FAM111A: variants seen among roughly 807,000 people sequenced by gnomAD.
FAM111A encodes FAM111 trypsin like peptidase A.
Under a neutral mutation model 3.3 loss-of-function variants are expected in FAM111A, and 8 were observed. That is an observed-to-expected ratio of 2.39 (90% CI 1.40 to 4.32). The LOEUF is 4.32. Ranked by LOEUF, FAM111A falls within the 30% of genes most tolerant of loss-of-function variation. FAM111A has a pLI of 0.00. For synonymous variants in FAM111A, 227 were observed against 243.1 expected (o/e 0.93, Z 0.62); for missense variants, 683 against 727.6 (o/e 0.94, Z 0.71).
Position 59,152,296 on chromosome 11 carries a change from A to C in FAM111A, c.628A>C (p.Lys210Gln), listed in dbSNP as rs751876224. 3.7e-6 allele frequency: 6 copies of C among 1,614,214 alleles called. No individual in the cohort carries two copies. Among genetic ancestry groups the C allele is most frequent in the Non-Finnish European group, 5.1e-6 (6 of 1,180,040 alleles). ...TGGGAAGCTTCACAAAAAGGGGCGC[A>C]AACTCTGTGTTTATGCTTTCAAAGG... ...KCGKLHKKGR[K>Q]LCVYAFKGET... Residue 210 changes from lysine to glutamine, a missense_variant, in exon 6 of 6, where the codon AAA (lysine) becomes CAA (glutamine). Physicochemically the swap from Lys to Gln is moderately conservative, Grantham distance 53 (BLOSUM62 1). This residue lies in a region of FAM111A where 557 missense variants were observed against 600.2 expected (regional missense o/e 0.93). Coordinates refer to ENST00000675163, the MANE Select transcript of FAM111A (RefSeq NM_001312909.2).
At chr11:59,145,683 C>T (rs1006447619) in intron 3 of FAM111A, 144 bp from the exon 4 acceptor site, 2 of 152,178 alleles carry the variant, frequency 1.3e-5, no homozygotes, top group African/African-American at 4.8e-5. Flanking sequence ...CGGATCCTCT[C>T]TCAAACTTCG....
At chr11:59,145,993 A>T (rs1278669532) in intron 4 of FAM111A, 137 bp downstream of exon 4, 2 of 151,736 alleles carry the variant, frequency 1.3e-5, no homozygotes, top group African/African-American at 2.4e-5. Context: ...ATATTTACAC[A>T]CACTGTATAT....
chr11:59,147,418 T>A (rs186366692), intron 4 of FAM111A, among the ~76,000 whole-genome samples: 8 of 152,276 alleles, frequency 5.3e-5, no homozygotes, highest in Admixed American at 5.2e-4. Context: ...TTGTTTAGCT[T>A]ATGTTCTAGC....
At chr11:59,151,661 T>C in intron 5 of FAM111A, 89 bp from the exon 6 acceptor site, 1 of 970,032 alleles carries the variant, frequency 1.0e-6, no homozygotes, top group Non-Finnish European at 1.6e-6. Flanking sequence ...CAGTTTCTCA[T>C]AGGAATTTTG....
intron 5 of FAM111A, among the ~76,000 whole-genome samples, chr11:59,151,172 T>C (rs1861612153): frequency 6.6e-6 from 1 of 151,994 alleles, no homozygotes; most frequent in Non-Finnish European, 1.5e-5. Context: ...TTTTTTGAGA[T>C]GGAGTTTCAC....
intron 5 of FAM111A, 117 bp from the exon 6 acceptor site, chr11:59,151,633 C>A: frequency 1.4e-6 from 1 of 728,966 alleles, no homozygotes; most frequent in East Asian, 2.5e-5. Flanking sequence ...TATTCACTGG[C>A]CCTTTTAGAT....
Position 59,152,120 on chromosome 11 carries a change from G to T in FAM111A, c.452G>T (p.Gly151Val), listed in dbSNP as rs773084586. The change falls in exon 6 of 6, where the codon GGC becomes GTC. Residue 151 changes from glycine (G) to valine (V), a missense_variant. Coordinates refer to ENST00000675163, the MANE Select transcript of FAM111A (RefSeq NM_001312909.2). ...CCCCTCAGTTGTTTCCCTGAAGGTG[G>T]CCAGGTGGTCATTACATTTTCCCAA... is the stretch of plus-strand genomic sequence containing the variant. The part of the protein sequence containing the change: ...GMPLSCFPEG[G>V]QVVITFSQSK... 1.2e-6 allele frequency: 2 copies of T among 1,614,150 alleles called. No individual in the cohort carries two copies. Among genetic ancestry groups the T allele is most frequent in the South Asian group, 2.2e-5 (2 of 91,082 alleles).
rs745384606 is a variant in FAM111A, at chr11:59,151,790, T to C, written c.122T>C (p.Met41Thr). ...EQQNNCSTSL[M>T]RMESRGDPRA... ...CAGAATAATTGCAGTACTTCTCTAA[T>C]GAGGATGGAGTCTAGAGGAGACCCA... Residue 41 changes from methionine (M) to threonine (T), a missense_variant, in exon 6 of 6, where the codon ATG becomes ACG. Around this residue, in one of 3 missense-constraint regions of FAM111A, gnomAD observed 557 missense variants for 600.2 expected, o/e 0.93. Transcript: ENST00000675163. 1.9e-6 allele frequency: 3 copies of C among 1,604,272 alleles called. No individual in the cohort carries two copies. The highest frequency in any genetic ancestry group is 2.5e-6 in the Non-Finnish European group (3 of 1,177,510).
In FAM111A at chr11:59,154,981, G is replaced by A. The variant is rs1346014021; in HGVS notation, c.*1477G>A. On this transcript the variant is annotated 3_prime_UTR_variant, in exon 6 of 6. Coordinates refer to ENST00000675163, the MANE Select transcript of FAM111A (RefSeq NM_001312909.2). ...GGGAGGGTGAGTGCCGCCATTTAGT[G>A]GCTGCTAGAAACATTGCTTCTGTTT... 2 of 152,390 alleles carry A rather than the reference G, an allele frequency of 1.3e-5. No homozygotes were observed. The highest frequency in any genetic ancestry group is 4.8e-5 in the African/African-American group (2 of 41,436). The allele number at this position is 152,390 out of a possible 1,614,324, so 9.4% of individuals were successfully genotyped here. A position where few individuals can be genotyped will look rare whatever the true frequency, so the allele number is the denominator to read the frequency against.
chr11:59,152,847 C>T lies in FAM111A; in HGVS notation c.1179C>T (p.Asp393=), dbSNP rs749523037. 2.9e-5 allele frequency: 47 copies of T among 1,613,864 alleles called. No individual in the cohort carries two copies. The highest frequency in any genetic ancestry group is 6.7e-5 in the East Asian group (3 of 44,886). The change falls in exon 6 of 6, where the codon GAC becomes GAT. Residue 393 remains aspartate (D), a synonymous_variant. Coordinates refer to ENST00000675163, the MANE Select transcript of FAM111A (RefSeq NM_001312909.2). The part of the protein sequence containing the change: ...CRHVIDSIVG[D]GIEPSKWATI... ...ATGTAATAGATAGCATTGTGGGAGACGGAATAGAGCCAAGTAAGTGGGCAA... is the reference window on the plus strand; with the variant it reads ...ATGTAATAGATAGCATTGTGGGAGATGGAATAGAGCCAAGTAAGTGGGCAA...
rs544144896 is a variant in FAM111A, at chr11:59,153,451, G to A, written c.1783G>A (p.Glu595Lys). Residue 595 changes from glutamate (E) to lysine (K), a missense_variant, in exon 6 of 6, where the codon GAA becomes AAA. This residue lies in a region of FAM111A where 122 missense variants were observed against 110.9 expected (regional missense o/e 1.10). Coordinates refer to ENST00000675163, the MANE Select transcript of FAM111A (RefSeq NM_001312909.2). ...IKQRHKPWYE[E>K]VFVNQQDVEM... is the part of the protein sequence containing the mutation. ...GCAAAGACATAAACCATGGTATGAA[G>A]AAGTATTTGTAAATCAGCAGGATGT... 7 of 1,613,072 alleles carry A rather than the reference G, an allele frequency of 4.3e-6. No individual in the cohort carries two copies. In the African/African-American group the frequency reaches 6.7e-5, roughly 15 times the overall value.
At chr11:59,145,617 C>T (rs1365552981) in intron 3 of FAM111A, 1 of 152,232 alleles carries the variant, frequency 6.6e-6, no homozygotes, top group Non-Finnish European at 1.5e-5. Flanking sequence ...ATGTTTCTTT[C>T]TGCCCATTTT....
In FAM111A at chr11:59,154,094, T is replaced by C. The variant is rs1862056204; in HGVS notation, c.*590T>C. 6.6e-6 allele frequency: 1 copy of C among 152,160 alleles called. No individual in the cohort carries two copies. Among genetic ancestry groups the C allele is most frequent in the Non-Finnish European group, 1.5e-5 (1 of 68,048 alleles). 9.4% of individuals were successfully genotyped at this position (152,160 alleles called of 1,614,324 possible). A position where few individuals can be genotyped will look rare whatever the true frequency, so the allele number is the denominator to read the frequency against. On this transcript the variant is annotated 3_prime_UTR_variant, in exon 6 of 6. Transcript: ENST00000675163. ...CAGTTTCATGACACTAAAAGTCATA[T>C]AGTCATAGGGTTTTTTCATCTTTCA...
rs927021305 is a variant in FAM111A at position 59,153,542 on chromosome 11, AGTT to A, written c.*42_*44del. The A allele has an allele frequency of 2.0e-6, 3 of 1,475,720 alleles. No homozygotes were observed. Among genetic ancestry groups the A allele is most frequent in the Admixed American group, 4.3e-5 (2 of 46,132 alleles). The allele number at this position is 1,475,720 out of a possible 1,614,324, so 91.4% of individuals were successfully genotyped here. A position where few individuals can be genotyped will look rare whatever the true frequency, so the allele number is the denominator to read the frequency against. ...CTGGATTTAAGGGAATGGCTTATGG[AGTT>A]GTTATTTCATAGGCATTGAAAATGG... On this transcript the variant is annotated 3_prime_UTR_variant, in exon 6 of 6. Transcript: ENST00000675163.
chr11:59,152,833 A>G lies in FAM111A; in HGVS notation c.1165A>G (p.Ser389Gly), dbSNP rs1369784215. ...TTTAACTTGTCGGCATGTAATAGAT[A>G]GCATTGTGGGAGACGGAATAGAGCC... ...FILTCRHVID[S>G]IVGDGIEPSK... The change falls in exon 6 of 6, where the codon AGC becomes GGC. Residue 389 changes from serine (S) to glycine (G), a missense_variant. Transcript: ENST00000675163. 6.2e-7 allele frequency: 1 copy of G among 1,614,098 alleles called. No homozygotes were observed. Among genetic ancestry groups the G allele is most frequent in the Non-Finnish European group, 8.5e-7 (1 of 1,180,048 alleles).
Position 59,151,879 on chromosome 11 carries a change from A to G in FAM111A, c.211A>G (p.Thr71Ala), listed in dbSNP as rs1412539634. Residue 71 changes from threonine (T) to alanine (A), a missense_variant, in exon 6 of 6, where the codon ACC becomes GCC. Thr to Ala is a moderately conservative substitution (Grantham distance 58). Transcript: ENST00000675163. ...HSPKKNPEDQ[T>A]MPQNRTIYVT... is the part of the protein sequence containing the mutation. ...ACCTAAGAAAAATCCAGAAGACCAGACCATGCCCCAAAATAGGACAATATA... is the reference window on the plus strand; with the variant it reads ...ACCTAAGAAAAATCCAGAAGACCAGGCCATGCCCCAAAATAGGACAATATA... 1 of 1,614,238 alleles carries G rather than the reference A, an allele frequency of 6.2e-7. No homozygotes were observed. The highest frequency in any genetic ancestry group is 8.5e-7 in the Non-Finnish European group (1 of 1,180,042).
intron 5 of FAM111A, among the ~76,000 whole-genome samples, chr11:59,149,688 A>T (rs564748325): frequency 1.2e-3 from 180 of 152,352 alleles, no homozygotes; most frequent in Non-Finnish European, 2.1e-3. Context: ...TATAGTTTAT[A>T]AAACAATTTT....
chr11:59,149,097 C>G (rs192882280), intron 5 of FAM111A, 144 bp downstream of exon 5: 2 of 634,028 alleles, frequency 3.2e-6, no homozygotes, highest in African/African-American at 3.7e-5. Context: ...TATAATGTAT[C>G]ATATCCTCCT....
Position 59,152,148 on chromosome 11 carries a change from TA to T in FAM111A, c.484del (p.Ser162ValfsTer89), listed in dbSNP as rs751806560. 1 of 1,613,980 alleles carries T rather than the reference TA, an allele frequency of 6.2e-7. No homozygotes were observed. The highest frequency in any genetic ancestry group is 1.1e-5 in the South Asian group (1 of 91,072). ...AGGTGGTCATTACATTTTCCCAAAG[TA>T]AAAGTAAGCAGAAGGAAGATAACCA... ...GQVVITFSQS[K>X]SKQKEDNHIF... On this transcript the variant is annotated frameshift_variant, in exon 6 of 6. Coordinates refer to ENST00000675163, the MANE Select transcript of FAM111A (RefSeq NM_001312909.2). LOFTEE classifies it low-confidence loss of function (END_TRUNC).
Sources: gnomAD v4.1 joint callset for allele counts (sites outside exome capture counted in the v4.1 genomes callset) on GRCh38, gnomAD v4.1.1 for gene constraint, gnomAD v4.1.1 regional missense constraint, MANE v1.5 for transcripts, NCBI Gene and HGNC (gene_info 2026-07-23, HGNC 2026-07-21) for gene names.